BRD1: variants seen among roughly 807,000 people sequenced by gnomAD.
BRD1 encodes bromodomain containing 1, also known as bromodomain-containing protein 1.
BRD1 carries 24 observed loss-of-function variants against 107.7 expected under a neutral mutation model. That is an observed-to-expected ratio of 0.22 (90% confidence interval 0.16 to 0.31). The LOEUF (loss-of-function observed/expected upper bound fraction) is 0.31, where lower values mean the gene tolerates loss of function less well. Among genes scored for constraint, BRD1 ranks in the 10% least tolerant of loss-of-function variants. The probability of loss-of-function intolerance (pLI) is 1.00; values close to 1 mark genes in which losing one functional copy is unlikely to be tolerated. For missense variants in BRD1, 1,279 were observed against 1,638.6 expected, an observed-to-expected ratio of 0.78 and a Z score of 3.79; for synonymous variants, 744 against 686.1, an observed-to-expected ratio of 1.08 and a Z score of -1.32.
intron 2 of BRD1, among the ~76,000 whole-genome samples, chr22:49,815,030 G>A (rs2059923377): frequency 6.6e-6 from 1 of 152,180 alleles, no homozygotes; most frequent in Non-Finnish European, 1.5e-5. Flanking sequence ...GTCGCCGGGG[G>A]CAGGGCAGAG....
chr22:49,781,884 C>T (rs1183881960), intron 8 of BRD1, among the ~76,000 whole-genome samples: 1 of 152,202 alleles, frequency 6.6e-6, no homozygotes, highest in Non-Finnish European at 1.5e-5. Flanking sequence ...GGACCTGCTC[C>T]GTGACAATGC....
chr22:49,820,072 G>C (rs2060035893), intron 2 of BRD1, among the ~76,000 whole-genome samples: 1 of 152,006 alleles, frequency 6.6e-6, no homozygotes, highest in African/African-American at 2.4e-5. Flanking sequence ...GGAGGTTGCA[G>C]TGAGCCAAGA....
In BRD1 at chr22:49,776,223, C is replaced by A. The variant is rs944312424; in HGVS notation, c.3122-64G>T. 1.7e-4 allele frequency: 253 copies of A among 1,449,916 alleles called. 1 individual carries two copies. Among genetic ancestry groups the A allele is most frequent in the Non-Finnish European group, 2.3e-4 (242 of 1,058,102 alleles). 89.8% of individuals were successfully genotyped at this position (1,449,916 alleles called of 1,614,324 possible). On this transcript the variant is annotated intron_variant, in intron 10 of 12. Transcript: ENST00000404760. ...GGACACGGGGCACGCCCCGCCCCCC[C>A]ACAAAAGGTGCAGCAACAGGGTGGG...
Position 49,827,729 on chromosome 22 carries a change from A to T in BRD1, c.-247T>A, listed in dbSNP as rs1180433220. Reference sequence around the variant, plus strand: ...CGGCGCGGGCTCGGGCTCGGGGCCCAGCTGGAGGCCCGGCTCGGGGGGCCC... The same window carrying T: ...CGGCGCGGGCTCGGGCTCGGGGCCCTGCTGGAGGCCCGGCTCGGGGGGCCC... On this transcript the variant is annotated 5_prime_UTR_variant, in exon 1 of 13. Coordinates refer to ENST00000404760, the MANE Select transcript of BRD1 (RefSeq NM_001304808.3). Among the ~76,000 whole-genome samples, 2 of 140,804 alleles carry T rather than the reference A, an allele frequency of 1.4e-5. No individual in the cohort carries two copies. Among genetic ancestry groups the T allele is most frequent in the African/African-American group, 5.2e-5 (2 of 38,680 alleles). The allele number at this position is 140,804 out of a possible 152,430, so 92.4% of individuals were successfully genotyped here. A position where few individuals can be genotyped will look rare whatever the true frequency, so the allele number is the denominator to read the frequency against.
At chr22:49,796,747 G>A (rs1201014376) in intron 6 of BRD1, among the ~76,000 whole-genome samples, 1 of 152,248 alleles carries the variant, frequency 6.6e-6, no homozygotes, top group Non-Finnish European at 1.5e-5. Context: ...AGGGAGCCCA[G>A]CACTGCTGCC....
chr22:49,778,506 C>A (rs1601603714), intron 8 of BRD1, among the ~76,000 whole-genome samples: 1 of 152,344 alleles, frequency 6.6e-6, no homozygotes, highest in East Asian at 1.9e-4. Context: ...TAAGGCAAAT[C>A]TCAGTATTTT....
rs1170869768 is a variant in BRD1 at position 49,823,532 on chromosome 22, C to T, written c.786G>A (p.Leu262=). ...PEGQWLCRHC[L]QSRARPADCV... is the part of the protein sequence containing the mutation. Reference sequence around the variant, plus strand: ...AGTCGGCGGGCCGGGCCCGCGACTGCAGGCAGTGGCGGCAGAGCCACTGGC... The same window carrying T: ...AGTCGGCGGGCCGGGCCCGCGACTGTAGGCAGTGGCGGCAGAGCCACTGGC... The change falls in exon 2 of 13, where the codon CTG becomes CTA. Residue 262 remains leucine, a synonymous_variant. Coordinates refer to ENST00000404760, the MANE Select transcript of BRD1 (RefSeq NM_001304808.3). 1 of 1,601,006 alleles carries T rather than the reference C, an allele frequency of 6.2e-7. No homozygotes were observed. Among genetic ancestry groups the T allele is most frequent in the Non-Finnish European group, 8.5e-7 (1 of 1,172,960 alleles).
chr22:49,798,820 C>G (rs936534642), intron 4 of BRD1, 134 bp from the exon 5 acceptor site: 4 of 1,435,306 alleles, frequency 2.8e-6, no homozygotes, highest in Non-Finnish European at 2.7e-6. Context: ...GCAGCCTCCA[C>G]TTAGGGCTCT....
Position 49,773,591 on chromosome 22 carries a change from C to T in BRD1, c.*642G>A, listed in dbSNP as rs2059027606. On this transcript the variant is annotated 3_prime_UTR_variant, in exon 13 of 13. Transcript: ENST00000404760. ...CAAGCCAAGTTGAATTTTTATGTGC[C>T]TGTATAAAAATGCATATCAATATAC... The T allele has an allele frequency of 6.6e-6, 1 of 152,632 alleles. No individual in the cohort carries two copies. The allele number at this position is 152,632 out of a possible 1,614,324, so 9.5% of individuals were successfully genotyped here.
chr22:49,778,748 A>G (rs1324045582), intron 8 of BRD1, among the ~76,000 whole-genome samples: 1 of 151,468 alleles, frequency 6.6e-6, no homozygotes, highest in African/African-American at 2.4e-5. Flanking sequence ...TGCAAGCTCC[A>G]CCTCCCGGGT....
intron 2 of BRD1, chr22:49,806,604 G>A (rs1179060708): frequency 6.6e-6 from 1 of 152,288 alleles, no homozygotes; most frequent in Non-Finnish European, 1.5e-5. Flanking sequence ...AGTCCCTGAG[G>A]GCTGGGTGGA....
intron 2 of BRD1, among the ~76,000 whole-genome samples, chr22:49,809,714 G>A (rs9808855): frequency 0.024 from 3,580 of 152,184 alleles, 133 homozygotes; most frequent in African/African-American, 0.081. Flanking sequence ...AGTGAAGAGG[G>A]CTATGAGGGC....
At chr22:49,817,863 T>C (rs2059984034) in intron 2 of BRD1, among the ~76,000 whole-genome samples, 1 of 152,154 alleles carries the variant, frequency 6.6e-6, no homozygotes, top group Non-Finnish European at 1.5e-5. Context: ...CAGGCTGGAA[T>C]ACAAAGGTGC....
Position 49,776,980 on chromosome 22 carries a change from A to G in BRD1, c.3121+54T>C, listed in dbSNP as rs2059112743. 39 of 1,606,868 alleles carry G rather than the reference A, an allele frequency of 2.4e-5. No homozygotes were observed. In the South Asian group the frequency reaches 4.3e-4, roughly 18 times the overall value. ...GTCCAGTCCCCAGCAGTCGAGCCCTAAGACGCTAACCAGGAGGTGTGGAGA... is the reference window on the plus strand; with the variant it reads ...GTCCAGTCCCCAGCAGTCGAGCCCTGAGACGCTAACCAGGAGGTGTGGAGA... On this transcript the variant is annotated intron_variant, in intron 10 of 12. Transcript: ENST00000404760.
intron 7 of BRD1, among the ~76,000 whole-genome samples, chr22:49,791,776 C>T (rs1234696701): frequency 6.6e-6 from 1 of 151,986 alleles, no homozygotes; most frequent in Non-Finnish European, 1.5e-5. Flanking sequence ...CAGGACCCCA[C>T]CCGCCTCACC....
At chr22:49,779,906 C>T in intron 8 of BRD1, among the ~76,000 whole-genome samples, 1 of 152,146 alleles carries the variant, frequency 6.6e-6, no homozygotes, top group South Asian at 2.1e-4. Flanking sequence ...TCTGCCAACG[C>T]GTGTGACCCG....
chr22:49,776,880 G>A (rs551507245), intron 10 of BRD1, among the ~76,000 whole-genome samples, 154 bp downstream of exon 10: 1 of 152,374 alleles, frequency 6.6e-6, no homozygotes, highest in African/African-American at 2.4e-5. Context: ...GAGCCCCTCG[G>A]TGTGTGATGA....
intron 6 of BRD1, among the ~76,000 whole-genome samples, chr22:49,796,414 T>C (rs2059533695): frequency 6.7e-6 from 1 of 149,940 alleles, no homozygotes; most frequent in South Asian, 2.1e-4. Context: ...TTCAGTGCAA[T>C]GGCACAATCT....
intron 2 of BRD1, among the ~76,000 whole-genome samples, chr22:49,815,359 G>A (rs747806126): frequency 4.6e-5 from 7 of 152,030 alleles, no homozygotes; most frequent in South Asian, 2.1e-4. Context: ...CCTGGCCAAC[G>A]TGACGAAACC....
Sources: gnomAD v4.1 joint callset for allele counts (sites outside exome capture counted in the v4.1 genomes callset) on GRCh38, gnomAD v4.1.1 for gene constraint, MANE v1.5 for transcripts, NCBI Gene and HGNC (gene_info 2026-07-23, HGNC 2026-07-21) for gene names.